Variants in NLRP4 observed in about 807,000 individuals in gnomAD.
NLRP4 encodes the protein NACHT, LRR and PYD domains-containing protein 4.
NLRP4 carries 44 observed loss-of-function variants against 84.7 expected under a neutral mutation model. The ratio of observed to expected loss-of-function variants is 0.52; its 90% CI spans 0.41 to 0.67. The LOEUF is 0.67. NLRP4 is among the 30% of genes least tolerant of loss of function. The pLI is 0.00. For synonymous variants in NLRP4, 544 were observed against 476.4 expected, an observed-to-expected ratio of 1.14 and a Z score of -1.85; for missense variants, 1,260 against 1,219.4, an observed-to-expected ratio of 1.03 and a Z score of -0.50.
Position 55,870,747 on chromosome 19 carries a change from C to T in NLRP4, c.2355-80C>T, listed in dbSNP as rs1390970150. The stretch of plus-strand genomic sequence containing the variant: ...AGTTTGTAAGATTATAGAAATATTA[C>T]CCTGAATGTGAAATTAAGCAAATCT... On this transcript the variant is annotated intron_variant, in intron 6 of 9. Transcript: ENST00000301295. The T allele has an allele frequency of 1.1e-5, 11 of 980,728 alleles. No homozygotes were observed. The East Asian group carries it at 2.6e-4, about 24-fold the overall frequency. The allele number at this position is 980,728 out of a possible 1,614,324, so 60.8% of individuals were successfully genotyped here. A position where few individuals can be genotyped will look rare whatever the true frequency, so the allele number is the denominator to read the frequency against.
chr19:55,862,093 C>T lies in NLRP4; in HGVS notation c.2120C>T (p.Ser707Phe). The T allele has an allele frequency of 1.9e-6, 3 of 1,612,280 alleles. No homozygotes were observed. Among genetic ancestry groups the T allele is most frequent in the Non-Finnish European group, 2.5e-6 (3 of 1,178,256 alleles). ...KYLSFTLTKL[S>F]RDDIRSLCDA... Reference sequence around the variant, plus strand: ...CTGAGCTTCACCCTCACGAAACTCTCTCGTGATGACATCAGGTCCCTCTGT... The same window carrying T: ...CTGAGCTTCACCCTCACGAAACTCTTTCGTGATGACATCAGGTCCCTCTGT... The change falls in exon 5 of 10, where the codon TCT (serine) becomes TTT (phenylalanine). Residue 707 changes from serine (S) to phenylalanine (F), a missense_variant. This residue lies in a region of NLRP4 where 544 missense variants were observed against 531.7 expected (regional missense o/e 1.02). Transcript: ENST00000301295.
intron 2 of NLRP4, among the ~76,000 whole-genome samples, chr19:55,853,783 GTCTC>G (rs1016614504): frequency 7.1e-6 from 1 of 141,394 alleles, no homozygotes; most frequent in Non-Finnish European, 1.5e-5. Flanking sequence ...CTCTCTTTCT[GTCTC>G]TCTTTCTCTC....
In NLRP4 at chr19:55,836,940, G is replaced by A. The variant is rs199475743; in HGVS notation, c.-66+6G>A. ...AGAACATAGACAGGGATGAGGTAAGGGGGGGGACTTCCCATGAAAGGTGGG... is the reference window on the plus strand; with the variant it reads ...AGAACATAGACAGGGATGAGGTAAGAGGGGGGACTTCCCATGAAAGGTGGG... On this transcript the variant is annotated splice_donor_region_variant and intron_variant, in intron 1 of 9. Coordinates refer to ENST00000301295, the MANE Select transcript of NLRP4 (RefSeq NM_134444.5). The A allele has an allele frequency of 5.3e-5, 8 of 151,302 alleles. No individual in the cohort carries two copies. The highest frequency in any genetic ancestry group is 7.4e-5 in the Non-Finnish European group (5 of 68,006). 9.4% of individuals were successfully genotyped at this position (151,302 alleles called of 1,614,324 possible). A position where few individuals can be genotyped will look rare whatever the true frequency, so the allele number is the denominator to read the frequency against.
intron 1 of NLRP4, among the ~76,000 whole-genome samples, chr19:55,842,397 A>G (rs939763284): frequency 2.6e-5 from 4 of 151,738 alleles, no homozygotes; most frequent in Admixed American, 6.6e-5. Context: ...CCTCTTCTCT[A>G]TTTACTTTGG....
chr19:55,861,388 C>T lies in NLRP4; in HGVS notation c.1859C>T (p.Ser620Leu). ...AGCTCGTCCTTTCTTGACCACAGGT[C>T]GGATTACAGCCTCATCTGTTGGCAT... is the stretch of plus-strand genomic sequence containing the variant. ...FKKEDEHSST[S>L]DYSLICWHHI... is the part of the protein sequence containing the mutation. The change falls in exon 4 of 10, where the codon TCG (serine) becomes TTG (leucine). Residue 620 changes from serine to leucine, a missense_variant and splice_region_variant. This residue lies in a region of NLRP4 where 544 missense variants were observed against 531.7 expected (regional missense o/e 1.02). Transcript: ENST00000301295. The T allele has an allele frequency of 3.7e-6, 6 of 1,612,648 alleles. No individual in the cohort carries two copies. Among genetic ancestry groups the T allele is most frequent in the Non-Finnish European group, 5.1e-6 (6 of 1,179,160 alleles).
chr19:55,876,911 A>T lies in NLRP4; in HGVS notation c.2526-85A>T, dbSNP rs144943214. The T allele has an allele frequency of 4.5e-4, 496 of 1,113,450 alleles. 1 individual carries two copies. The highest frequency in any genetic ancestry group is 3.8e-3 in the African/African-American group (243 of 64,474). 69.0% of individuals were successfully genotyped at this position (1,113,450 alleles called of 1,614,324 possible). ...CGGTGCCTATCCACATGAATGACAA[A>T]GGCTGTCGTGCTTTGGTGTCTCTTT... On this transcript the variant is annotated intron_variant, in intron 7 of 9. Transcript: ENST00000301295.
At chr19:55,840,677 C>T (rs1283148256) in intron 1 of NLRP4, among the ~76,000 whole-genome samples, 2 of 152,140 alleles carry the variant, frequency 1.3e-5, no homozygotes, top group African/African-American at 2.4e-5. Flanking sequence ...GGATTATAGG[C>T]GTGAGCCACA....
Position 55,858,028 on chromosome 19 carries a change from C to A in NLRP4, c.635C>A (p.Pro212His). Residue 212 changes from proline (P) to histidine (H), a missense_variant, in exon 3 of 10, where the codon CCC (proline) becomes CAC (histidine). This residue lies in a region of NLRP4 where 712 missense variants were observed against 669.2 expected (regional missense o/e 1.06). Transcript: ENST00000301295. The surrounding 1 kb of genome is among the most constrained non-coding windows in gnomAD (Gnocchi z 4.2). ...ADLISREWPD[P>H]AAPITEIVSQ... ...TTGATTTCCAGAGAGTGGCCTGACCCCGCTGCTCCTATAACAGAGATCGTG... is the reference window on the plus strand; with the variant it reads ...TTGATTTCCAGAGAGTGGCCTGACCACGCTGCTCCTATAACAGAGATCGTG... The A allele has an allele frequency of 6.2e-7, 1 of 1,614,198 alleles. No homozygotes were observed. Among genetic ancestry groups the A allele is most frequent in the Non-Finnish European group, 8.5e-7 (1 of 1,180,036 alleles).
At chr19:55,859,926 C>CAAAAAAAAAA (rs1166037425) in intron 3 of NLRP4, among the ~76,000 whole-genome samples, 19 of 17,502 alleles carry the variant, frequency 1.1e-3, no homozygotes, top group African/African-American at 3.3e-3. Flanking sequence ...CTCTCATCTC[C>CAAAAAAAAAA]AAAAAAAAAA....
chr19:55,839,308 A>AGT (rs59705356), intron 1 of NLRP4, among the ~76,000 whole-genome samples: 5 of 151,350 alleles, frequency 3.3e-5, no homozygotes, highest in African/African-American at 7.3e-5. Flanking sequence ...CCTCAGTTTG[A>AGT]GTGTGTGTGT....
intron 1 of NLRP4, among the ~76,000 whole-genome samples, chr19:55,843,470 C>A (rs532314676): frequency 6.6e-6 from 1 of 151,988 alleles, no homozygotes; most frequent in South Asian, 2.1e-4. Flanking sequence ...GCGGGTGGAT[C>A]TCCTGAGGTC....
At chr19:55,852,483 T>TG in intron 2 of NLRP4, 123 bp downstream of exon 2, 1 of 648,428 alleles carries the variant, frequency 1.5e-6, no homozygotes. Context: ...TAGGTTTTTT[T>TG]TTTTTTTTTT....
At chr19:55,869,383 CAAA>C (rs34026493) in intron 6 of NLRP4, among the ~76,000 whole-genome samples, 1 of 148,974 alleles carries the variant, frequency 6.7e-6, no homozygotes, top group Non-Finnish European at 1.5e-5. Flanking sequence ...AAAAATAAAC[CAAA>C]AAAAAAACAA....
At position 55,852,407 on chromosome 19, in the gene NLRP4, G is replaced by C. The variant is rs151306511; in HGVS notation, c.280+47G>C. On this transcript the variant is annotated intron_variant, in intron 2 of 9. Coordinates refer to ENST00000301295, the MANE Select transcript of NLRP4 (RefSeq NM_134444.5). ...GAAGCCTTCTTATAATGAGGACTAT[G>C]TCCTAATTTTGGTGAGTGGTCTCTG... The C allele has an allele frequency of 7.4e-5, 101 of 1,365,642 alleles. 1 individual carries two copies. The East Asian group carries it at 2.4e-3, about 32-fold the overall frequency. 84.6% of individuals were successfully genotyped at this position (1,365,642 alleles called of 1,614,324 possible). A position where few individuals can be genotyped will look rare whatever the true frequency, so the allele number is the denominator to read the frequency against.
chr19:55,843,232 C>G (rs1171622620), intron 1 of NLRP4, among the ~76,000 whole-genome samples: 1 of 152,160 alleles, frequency 6.6e-6, no homozygotes, highest in Non-Finnish European at 1.5e-5. Context: ...TTGCCTTACC[C>G]CCACTCTGGA....
chr19:55,881,261 GC>G (rs1985578946), intron 9 of NLRP4, among the ~76,000 whole-genome samples: 1 of 151,832 alleles, frequency 6.6e-6, no homozygotes, highest in Non-Finnish European at 1.5e-5. Context: ...AATTGGCAAA[GC>G]TATAAATTGG....
chr19:55,870,229 C>T (rs552809751), intron 6 of NLRP4, among the ~76,000 whole-genome samples: 2 of 151,980 alleles, frequency 1.3e-5, no homozygotes, highest in East Asian at 3.9e-4. Flanking sequence ...AGGTCCATGT[C>T]TTGTCCAAGG....
In NLRP4 at chr19:55,860,806, C is replaced by T. The variant is rs142990961; in HGVS notation, c.1857-580C>T. On this transcript the variant is annotated intron_variant, in intron 3 of 9. Coordinates refer to ENST00000301295, the MANE Select transcript of NLRP4 (RefSeq NM_134444.5). ...CAGCCTGACCAACATGGCGAAACCC[C>T]GTCTCTACTAAAAATACAAAAATTA... 9.8e-3 allele frequency among the ~76,000 whole-genome samples: 1,491 copies of T among 152,134 alleles called. 16 individuals carry two copies. The highest frequency in any genetic ancestry group is 0.015 in the Non-Finnish European group (1,052 of 68,004).
intron 1 of NLRP4, among the ~76,000 whole-genome samples, chr19:55,844,310 G>A (rs1225162427): frequency 1.3e-5 from 2 of 152,016 alleles, no homozygotes; most frequent in South Asian, 2.1e-4. Context: ...TCGAGATGGA[G>A]TCTCACTTTA....
Sources: gnomAD v4.1 joint callset for allele counts (sites outside exome capture counted in the v4.1 genomes callset) on GRCh38, gnomAD v4.1.1 for gene constraint, gnomAD v4.1.1 regional missense constraint, Gnocchi (gnomAD v3.1) non-coding constraint, MANE v1.5 for transcripts, NCBI Gene and HGNC (gene_info 2026-07-23, HGNC 2026-07-21) for gene names.